Variants in THEM4 observed in about 807,000 individuals in gnomAD.
THEM4 encodes thioesterase superfamily member 4, also known as acyl-coenzyme A thioesterase THEM4.
A neutral mutation model predicts 25.0 loss-of-function variants in THEM4; 22 were observed. The ratio of observed to expected loss-of-function variants is 0.88; its 90% confidence interval spans 0.63 to 1.26. The LOEUF is 1.26. Ranked by LOEUF, THEM4 falls within the 50% of genes most tolerant of loss-of-function variation. The pLI is 0.00. For missense variants in THEM4, 286 were observed against 300.3 expected (o/e 0.95, Z 0.35); for synonymous variants, 113 against 105.6 (o/e 1.07, Z -0.43).
chr1:151,885,592 G>C (rs190223946), intron 4 of THEM4, among the ~76,000 whole-genome samples: 171 of 152,318 alleles, frequency 1.1e-3, no homozygotes, highest in Non-Finnish European at 1.7e-3. Flanking sequence ...TTTTGAAGGA[G>C]GAATGTCCTT....
At chr1:151,894,026 A>AT (rs1051480299) in intron 2 of THEM4, among the ~76,000 whole-genome samples, 11 of 151,688 alleles carry the variant, frequency 7.3e-5, no homozygotes, top group South Asian at 4.2e-4. Flanking sequence ...GGCCCAACTA[A>AT]TTTTTTTTGT....
chr1:151,898,454 G>T (rs1188439864), intron 1 of THEM4, among the ~76,000 whole-genome samples: 1 of 152,196 alleles, frequency 6.6e-6, no homozygotes, highest in African/African-American at 2.4e-5. Context: ...GAGAGTCTGA[G>T]CTCAGATGTG....
intron 1 of THEM4, among the ~76,000 whole-genome samples, chr1:151,908,063 T>C (rs1186805657): frequency 6.6e-6 from 1 of 152,378 alleles, no homozygotes; most frequent in Non-Finnish European, 1.5e-5. Context: ...CTCCTCTCTC[T>C]GGTGGAGGAA....
At chr1:151,900,581 C>T (rs1001033974) in intron 1 of THEM4, among the ~76,000 whole-genome samples, 1 of 152,104 alleles carries the variant, frequency 6.6e-6, no homozygotes, top group African/African-American at 2.4e-5. Flanking sequence ...TCAAAAAAGA[C>T]AAAGAGGGAC....
At chr1:151,908,953 G>A (rs1654534798) in intron 1 of THEM4, among the ~76,000 whole-genome samples, 1 of 152,136 alleles carries the variant, frequency 6.6e-6, no homozygotes, top group African/African-American at 2.4e-5. Flanking sequence ...GAAGATAAGC[G>A]TTTGGATCAA....
chr1:151,896,165 T>A lies in THEM4; in HGVS notation c.100-971A>T, dbSNP rs554167912. 1.2e-4 allele frequency among the ~76,000 whole-genome samples: 18 copies of A among 152,060 alleles called. No individual in the cohort carries two copies. The South Asian group carries it at 3.7e-3, about 32-fold the overall frequency. Reference sequence around the variant, plus strand: ...CGCCCCACCACACCCGGCTAATTTTTGTATTTTTAGTAGGGATGAGGTTTC... The same window carrying A: ...CGCCCCACCACACCCGGCTAATTTTAGTATTTTTAGTAGGGATGAGGTTTC... On this transcript the variant is annotated intron_variant, in intron 1 of 5. Coordinates refer to ENST00000368814, the MANE Select transcript of THEM4 (RefSeq NM_053055.5).
chr1:151,879,638 T>C (rs1004356854), intron 4 of THEM4, among the ~76,000 whole-genome samples: 1 of 151,530 alleles, frequency 6.6e-6, no homozygotes, highest in African/African-American at 2.4e-5. Context: ...AATTCTCCAT[T>C]TTCTTTCTTT....
In THEM4 at chr1:151,890,291, GTTTT is replaced by G. The variant is rs113477695; in HGVS notation, c.287-922_287-919del. 3.1e-3 allele frequency: 1,290 copies of G among 417,716 alleles called. 17 individuals carry two copies. Among genetic ancestry groups the G allele is most frequent in the African/African-American group, 0.024 (1,178 of 48,946 alleles). 25.9% of individuals were successfully genotyped at this position (417,716 alleles called of 1,614,324 possible). ...GTAATAGTGCACTTGTTTAGACACA[GTTTT>G]TTTTCACTTACACAATTGTGAGCAA... On this transcript the variant is annotated intron_variant, in intron 2 of 5. Coordinates refer to ENST00000368814, the MANE Select transcript of THEM4 (RefSeq NM_053055.5).
intron 1 of THEM4, among the ~76,000 whole-genome samples, chr1:151,901,316 G>T (rs1215869055): frequency 1.3e-5 from 2 of 152,140 alleles, no homozygotes; most frequent in South Asian, 2.1e-4. Context: ...ATAAACAATG[G>T]ATTTAAACTA....
chr1:151,905,278 C>T (rs1004060650), intron 1 of THEM4, among the ~76,000 whole-genome samples: 5 of 152,198 alleles, frequency 3.3e-5, no homozygotes, highest in Admixed American at 2.0e-4. Flanking sequence ...GCTCCCTCTT[C>T]CTCTGCTGAG....
At chr1:151,893,383 C>CAAAAAAAAAAAAAAAA (rs5777789) in intron 2 of THEM4, among the ~76,000 whole-genome samples, 1 of 139,486 alleles carries the variant, frequency 7.2e-6, no homozygotes, top group Non-Finnish European at 1.5e-5. Context: ...AAACCAAAAA[C>CAAAAAAAAAAAAAAAA]AAAAAAAACA....
intron 3 of THEM4, among the ~76,000 whole-genome samples, chr1:151,888,927 T>A (rs1181526009): frequency 2.0e-5 from 3 of 152,094 alleles, no homozygotes; most frequent in African/African-American, 4.8e-5. Flanking sequence ...ACTACCCACC[T>A]AGTCAGTGAC....
chr1:151,896,860 A>T (rs1180922887), intron 1 of THEM4, among the ~76,000 whole-genome samples: 1 of 152,114 alleles, frequency 6.6e-6, no homozygotes, highest in African/African-American at 2.4e-5. Flanking sequence ...GAAATACAAG[A>T]CCCAGTACCA....
intron 2 of THEM4, chr1:151,890,202 G>A (rs778048847): frequency 5.7e-5 from 26 of 457,584 alleles, no homozygotes; most frequent in South Asian, 4.0e-4. Context: ...ACAGCGCCCG[G>A]CCATTAACCA....
chr1:151,889,313 T>A lies in THEM4; in HGVS notation c.347A>T (p.Asp116Val). The change falls in exon 3 of 6, where the codon GAT becomes GTT. Residue 116 changes from aspartate (D) to valine (V), a missense_variant. Asp to Val is a radical substitution (Grantham distance 152). Transcript: ENST00000368814. ...CACGTATTCAAAGCCCAGGCCATCA[T>A]CAAAGCTTCTGGTGAAGAGCTGGGC... ...SQAQLFTRSFDDGLGFEYVMF... is the reference protein window; with the variant it reads ...SQAQLFTRSFVDGLGFEYVMF... The A allele has an allele frequency of 2.5e-6, 4 of 1,614,070 alleles. No individual in the cohort carries two copies. The highest frequency in any genetic ancestry group is 3.4e-6 in the Non-Finnish European group (4 of 1,179,938).
chr1:151,885,509 C>A (rs1653949172), intron 4 of THEM4, among the ~76,000 whole-genome samples: 1 of 152,182 alleles, frequency 6.6e-6, no homozygotes, highest in African/African-American at 2.4e-5. Flanking sequence ...AGGTCTAAAT[C>A]TTATTTATTG....
intron 1 of THEM4, among the ~76,000 whole-genome samples, chr1:151,902,896 A>G (rs4581287): frequency 0.92 from 139,078 of 151,914 alleles, 63,679 homozygotes; most frequent in East Asian, 0.95. Flanking sequence ...GCTGAGGAAC[A>G]AGAGTTGCTT....
At chr1:151,879,921 G>A (rs1028774590) in intron 4 of THEM4, among the ~76,000 whole-genome samples, 41 of 152,036 alleles carry the variant, frequency 2.7e-4, no homozygotes, top group African/African-American at 8.2e-4. Flanking sequence ...CTCCCAAGGT[G>A]CTGAGATTAC....
At position 151,895,087 on chromosome 1, in the gene THEM4, T is replaced by G; in HGVS notation, c.207A>C (p.Glu69Asp). Residue 69 changes from glutamate to aspartate, a missense_variant, in exon 2 of 6, where the codon GAA becomes GAC. Physicochemically the swap from Glu to Asp is conservative, Grantham distance 45. Transcript: ENST00000368814. Reference sequence around the variant, plus strand: ...AAGGCAAACGTTTCCAGGAGCCGTCTTCACATTTCTTCATAAACTGGTCAA... The same window carrying G: ...AAGGCAAACGTTTCCAGGAGCCGTCGTCACATTTCTTCATAAACTGGTCAA... ...LLFDQFMKKC[E>D]DGSWKRLPSY... 1.2e-6 allele frequency: 2 copies of G among 1,614,168 alleles called. No homozygotes were observed. The highest frequency in any genetic ancestry group is 1.7e-6 in the Non-Finnish European group (2 of 1,180,028).
Sources: gnomAD v4.1 joint callset for allele counts (sites outside exome capture counted in the v4.1 genomes callset) on GRCh38, gnomAD v4.1.1 for gene constraint, MANE v1.5 for transcripts, NCBI Gene and HGNC (gene_info 2026-07-23, HGNC 2026-07-21) for gene names.